The following PON3 variants were observed in gnomAD, a reference collection of about 807,000 sequenced individuals.
The protein encoded by PON3 is paraoxonase 3.
In PON3, 37 loss-of-function variants were observed where a neutral mutation model predicts 36.3. That is an observed-to-expected ratio of 1.02 (90% CI 0.78 to 1.34). The LOEUF is 1.34. PON3 is among the 40% of genes most tolerant of loss of function. PON3 has a pLI of 0.00. For missense variants in PON3, 415 were observed against 426.5 expected, an observed-to-expected ratio of 0.97 and a Z score of 0.24; for synonymous variants, 155 against 154.8, an observed-to-expected ratio of 1.00 and a Z score of -0.01.
At chr7:95,378,383 A>G (rs1186648814) in intron 3 of PON3, among the ~76,000 whole-genome samples, 1 of 152,234 alleles carries the variant, frequency 6.6e-6, no homozygotes, top group Non-Finnish European at 1.5e-5. Context: ...GCCAACATTC[A>G]AATTCAGGAA....
chr7:95,387,730 C>CTA (rs1809229249), intron 3 of PON3, among the ~76,000 whole-genome samples: 1 of 152,216 alleles, frequency 6.6e-6, no homozygotes, highest in Non-Finnish European at 1.5e-5. Flanking sequence ...TGACTTCAAA[C>CTA]TATACTACAA....
At chr7:95,378,401 G>A (rs553364898) in intron 3 of PON3, among the ~76,000 whole-genome samples, 1 of 152,258 alleles carries the variant, frequency 6.6e-6, no homozygotes. Context: ...GAAATAAAGA[G>A]AACACCACAA....
At chr7:95,361,093 G>T (rs556404394) in intron 8 of PON3, among the ~76,000 whole-genome samples, 1 of 152,180 alleles carries the variant, frequency 6.6e-6, no homozygotes, top group East Asian at 1.9e-4. Flanking sequence ...CAGACATTGT[G>T]GTTGGGCTTT....
At chr7:95,382,956 A>G (rs1809095883) in intron 3 of PON3, among the ~76,000 whole-genome samples, 1 of 152,182 alleles carries the variant, frequency 6.6e-6, no homozygotes, top group Admixed American at 6.5e-5. Flanking sequence ...ATCCTCAATA[A>G]AATACTAGCA....
chr7:95,373,672 C>T (rs1303016761), intron 3 of PON3, among the ~76,000 whole-genome samples: 1 of 152,206 alleles, frequency 6.6e-6, no homozygotes, highest in African/African-American at 2.4e-5. Flanking sequence ...AGTCTAAAAT[C>T]AGATTGAAAA....
intron 2 of PON3, among the ~76,000 whole-genome samples, chr7:95,393,672 G>GCT (rs1809368076): frequency 1.3e-5 from 2 of 152,126 alleles, no homozygotes; most frequent in Non-Finnish European, 2.9e-5. Context: ...GAGAATGGGG[G>GCT]TACCATACAT....
At chr7:95,372,711 A>G (rs1343729069) in intron 3 of PON3, among the ~76,000 whole-genome samples, 1 of 152,134 alleles carries the variant, frequency 6.6e-6, no homozygotes, top group South Asian at 2.1e-4. Context: ...TGATTATAAG[A>G]TTATTTCCGG....
chr7:95,380,470 T>C (rs1367481057), intron 3 of PON3, among the ~76,000 whole-genome samples: 1 of 152,126 alleles, frequency 6.6e-6, no homozygotes, highest in Non-Finnish European at 1.5e-5. Context: ...ATTAGATGAA[T>C]GGCTAACTAG....
chr7:95,385,808 G>T (rs1167882309), intron 3 of PON3, among the ~76,000 whole-genome samples: 5 of 148,436 alleles, frequency 3.4e-5, no homozygotes, highest in Admixed American at 2.6e-4. Context: ...ACCTGTTCCT[G>T]AATGACACTG....
intron 3 of PON3, among the ~76,000 whole-genome samples, chr7:95,376,111 C>T (rs1476691246): frequency 6.6e-6 from 1 of 152,142 alleles, no homozygotes; most frequent in Non-Finnish European, 1.5e-5. Flanking sequence ...ACAGCCTAAA[C>T]TCAGGGGATG....
chr7:95,378,263 C>CA (rs201789643), intron 3 of PON3, among the ~76,000 whole-genome samples: 4,244 of 152,212 alleles, frequency 0.028, 113 homozygotes, highest in African/African-American at 0.068. Flanking sequence ...GTGAAAAGAC[C>CA]AAATCTACGT....
chr7:95,361,015 T>G (rs994200990), intron 8 of PON3, among the ~76,000 whole-genome samples: 2 of 152,080 alleles, frequency 1.3e-5, no homozygotes, highest in Non-Finnish European at 2.9e-5. Context: ...AACTTGAAAA[T>G]AGAGATACGA....
chr7:95,380,203 C>G (rs112060840), intron 3 of PON3, among the ~76,000 whole-genome samples: 2 of 152,244 alleles, frequency 1.3e-5, no homozygotes, highest in South Asian at 4.1e-4. Context: ...CCCATCTGTA[C>G]GTCAGCATCA....
intron 6 of PON3, chr7:95,363,549 G>A (rs887682836): frequency 5.1e-6 from 2 of 391,266 alleles, no homozygotes; most frequent in Non-Finnish European, 9.6e-6. Flanking sequence ...CTTTCATAAG[G>A]GGCAGGGGTA....
At chr7:95,389,727 T>G (rs1055534663) in intron 3 of PON3, among the ~76,000 whole-genome samples, 4 of 152,132 alleles carry the variant, frequency 2.6e-5, no homozygotes, top group African/African-American at 7.2e-5. Flanking sequence ...TGGTTAATAT[T>G]CGATCCACAA....
chr7:95,385,176 G>A (rs1437025271), intron 3 of PON3, among the ~76,000 whole-genome samples: 2 of 152,034 alleles, frequency 1.3e-5, no homozygotes, highest in East Asian at 1.9e-4. Context: ...ACACGGGAAG[G>A]GGAACATCAC....
In PON3 at chr7:95,381,484, C is replaced by G. The variant is rs547805719; in HGVS notation, c.201+8670G>C. ...TCTCATGTGCAGAGACACACATAGG[C>G]TCAAAATAAAGGGACAGAGGAAGAT... On this transcript the variant is annotated intron_variant, in intron 3 of 8. Transcript: ENST00000265627. 1.5e-3 allele frequency among the ~76,000 whole-genome samples: 227 copies of G among 152,082 alleles called. 1 individual carries two copies. The highest frequency in any genetic ancestry group is 6.8e-3 in the Middle Eastern group (2 of 294).
At chr7:95,388,090 G>C (rs1437510465) in intron 3 of PON3, among the ~76,000 whole-genome samples, 2 of 148,162 alleles carry the variant, frequency 1.3e-5, no homozygotes, top group African/African-American at 5.1e-5. Flanking sequence ...CTTCACAAAT[G>C]GGATCTAATT....
At chr7:95,381,041 C>T (rs1809041210) in intron 3 of PON3, among the ~76,000 whole-genome samples, 1 of 152,094 alleles carries the variant, frequency 6.6e-6, no homozygotes, top group African/African-American at 2.4e-5. Flanking sequence ...GGGTGGGGGC[C>T]AATATTCAAC....
Sources: allele counts gnomAD v4.1 joint callset (sites outside exome capture counted in the v4.1 genomes callset), GRCh38; gene constraint gnomAD v4.1.1; transcripts MANE v1.5; gene names NCBI Gene and HGNC (gene_info 2026-07-23, HGNC 2026-07-21).